The following BNIP5 variants were observed in gnomAD, a reference collection of about 807,000 sequenced individuals.
BNIP5 encodes BCL2 interacting protein 5.
BNIP5 carries 61 observed loss-of-function variants against 67.3 expected under a neutral mutation model. The ratio of observed to expected loss-of-function variants is 0.91; its 90% CI spans 0.74 to 1.12. The LOEUF (loss-of-function observed/expected upper bound fraction) is 1.12. Among genes scored for constraint, BNIP5 ranks in the 50% most tolerant of loss-of-function variants. The probability of loss-of-function intolerance (pLI) is 0.00; values close to 1 mark genes in which losing one functional copy is unlikely to be tolerated. For synonymous variants in BNIP5, 317 were observed against 319.0 expected (o/e 0.99, Z 0.07); for missense variants, 826 against 816.3 (o/e 1.01, Z -0.14).
chr6:36,334,198 G>A (rs922461689), intron 1 of BNIP5, among the ~76,000 whole-genome samples: 7 of 152,296 alleles, frequency 4.6e-5, no homozygotes, highest in African/African-American at 1.2e-4. Context: ...GGAAAGCTGC[G>A]GTGATTTGGC....
chr6:36,321,440 G>A (rs1771634864), intron 9 of BNIP5, among the ~76,000 whole-genome samples: 1 of 152,184 alleles, frequency 6.6e-6, no homozygotes, highest in Non-Finnish European at 1.5e-5. Flanking sequence ...AAATAGAAGG[G>A]ACTCTGGTTT....
At chr6:36,319,942 C>T (rs1771599952) in intron 10 of BNIP5, among the ~76,000 whole-genome samples, 1 of 152,186 alleles carries the variant, frequency 6.6e-6, no homozygotes. Context: ...GTATAACAGT[C>T]TAGAATTGGG....
intron 4 of BNIP5, 75 bp from the exon 5 acceptor site, chr6:36,326,828 A>C (rs1771774783): frequency 4.4e-6 from 7 of 1,593,870 alleles, no homozygotes; most frequent in Non-Finnish European, 6.0e-6. Context: ...GCAAGTGAAG[A>C]GCAGCCAAGC....
In BNIP5 at chr6:36,319,698, C is replaced by T. The variant is rs984795124; in HGVS notation, c.1669-88G>A. On this transcript the variant is annotated intron_variant, in intron 10 of 11. Coordinates refer to ENST00000437635, the MANE Select transcript of BNIP5 (RefSeq NM_001010903.5). The stretch of plus-strand genomic sequence containing the variant: ...CCTCCCACAACTCCATGCAGCCAGG[C>T]GGGGCACTCCTTGTCCCTGGGATGA... 10 of 1,477,176 alleles carry T rather than the reference C, an allele frequency of 6.8e-6. No individual in the cohort carries two copies. The East Asian group carries it at 6.8e-5, about 10-fold the overall frequency. The allele number at this position is 1,477,176 out of a possible 1,614,324, so 91.5% of individuals were successfully genotyped here.
rs533362920 is a variant in BNIP5, at chr6:36,325,039, T to G, written c.1168+244A>C. Among the ~76,000 whole-genome samples, 7 of 152,210 alleles carry G rather than the reference T, an allele frequency of 4.6e-5. No individual in the cohort carries two copies. In the East Asian group the frequency reaches 1.4e-3, roughly 29 times the overall value. ...CCCTTGGTGTGGGCCAGCACTTTCC[T>G]CCCTTTGCCTCCTGTCTGCCTCATC... is the stretch of plus-strand genomic sequence containing the variant. On this transcript the variant is annotated intron_variant, in intron 6 of 11. Coordinates refer to ENST00000437635, the MANE Select transcript of BNIP5 (RefSeq NM_001010903.5).
intron 1 of BNIP5, among the ~76,000 whole-genome samples, chr6:36,334,445 G>A (rs1771971897): frequency 6.6e-6 from 1 of 152,134 alleles, no homozygotes; most frequent in South Asian, 2.1e-4. Context: ...TTTGATACCA[G>A]CCCTACTTCC....
chr6:36,334,620 C>T (rs1448370013), intron 1 of BNIP5, among the ~76,000 whole-genome samples: 4 of 152,134 alleles, frequency 2.6e-5, no homozygotes, highest in Non-Finnish European at 4.4e-5. Flanking sequence ...CACACCCACA[C>T]GCCCCCAGGA....
Position 36,330,258 on chromosome 6 carries a change from T to C in BNIP5, c.433A>G (p.Arg145Gly), listed in dbSNP as rs769560572. ...TTCTTGTCGTGGTGGGCTTTCTTCC[T>C]GAGGGCTGGCTCCCCTGCTGCTTCC... ...PLEAAGEPAL[R>G]KKAHHDKKPS... The change falls in exon 2 of 12, where the codon AGG becomes GGG. Residue 145 changes from arginine (R) to glycine (G), a missense_variant. Transcript: ENST00000437635. The C allele has an allele frequency of 1.9e-6, 3 of 1,614,224 alleles. No homozygotes were observed. Among genetic ancestry groups the C allele is most frequent in the African/African-American group, 1.3e-5 (1 of 75,050 alleles).
intron 8 of BNIP5, 132 bp downstream of exon 8, chr6:36,323,161 A>G: frequency 7.6e-7 from 1 of 1,316,624 alleles, no homozygotes; most frequent in Admixed American, 2.1e-5. Context: ...CTCAGCATGG[A>G]AAGACACAGT....
rs879008775 is a variant in BNIP5 at position 36,319,340 on chromosome 6, C to A, written c.1923+16G>T. The A allele has an allele frequency of 6.2e-7, 1 of 1,612,240 alleles. No homozygotes were observed. The highest frequency in any genetic ancestry group is 1.7e-5 in the Admixed American group (1 of 59,988). ...ACTCATGCTACATTGCCATTGTCTTCCCCGCCCTCTCTCACCGGCTGGTCC... is the reference window on the plus strand; with the variant it reads ...ACTCATGCTACATTGCCATTGTCTTACCCGCCCTCTCTCACCGGCTGGTCC... On this transcript the variant is annotated intron_variant, in intron 11 of 11. Transcript: ENST00000437635.
intron 6 of BNIP5, among the ~76,000 whole-genome samples, chr6:36,324,700 G>A (rs1161332913): frequency 7.4e-6 from 1 of 135,746 alleles, no homozygotes; most frequent in Non-Finnish European, 1.6e-5. Context: ...AGCGATGGCA[G>A]CTGCCATTAG....
chr6:36,321,656 T>C (rs1355639403), intron 9 of BNIP5, among the ~76,000 whole-genome samples: 1 of 152,208 alleles, frequency 6.6e-6, no homozygotes, highest in East Asian at 1.9e-4. Context: ...TAAGCAGCGG[T>C]GTGCCAGGGC....
rs746408763 is a variant in BNIP5, at chr6:36,323,540, G to T, written c.1231-7C>A. 3.7e-6 allele frequency: 6 copies of T among 1,613,900 alleles called. No homozygotes were observed. Among genetic ancestry groups the T allele is most frequent in the South Asian group, 1.1e-5 (1 of 91,070 alleles). On this transcript the variant is annotated splice_region_variant and splice_polypyrimidine_tract_variant and intron_variant, in intron 7 of 11. Coordinates refer to ENST00000437635, the MANE Select transcript of BNIP5 (RefSeq NM_001010903.5). The stretch of plus-strand genomic sequence containing the variant: ...CCTGCTGGACTTGAGGTTGCTGTGG[G>T]GGAGATGAGAGAAACTGAGTCAGGG...
intron 1 of BNIP5, among the ~76,000 whole-genome samples, chr6:36,333,080 C>T (rs1007024321): frequency 6.6e-6 from 1 of 152,166 alleles, no homozygotes; most frequent in African/African-American, 2.4e-5. Context: ...GTGGGATCCA[C>T]AGGAAAGTGA....
rs1013543645 is a variant in BNIP5 at position 36,321,034 on chromosome 6, C to T, written c.1668+121G>A. The stretch of plus-strand genomic sequence containing the variant: ...TCTCTCATTTTGGAAAAGAGGAAAC[C>T]GAGACTCAGAGAGGTTAAGGGACAT... On this transcript the variant is annotated intron_variant, in intron 10 of 11. Coordinates refer to ENST00000437635, the MANE Select transcript of BNIP5 (RefSeq NM_001010903.5). The T allele has an allele frequency of 3.6e-4, 225 of 632,198 alleles. 1 individual carries two copies. The highest frequency in any genetic ancestry group is 1.1e-4 in the Non-Finnish European group (39 of 356,320). The allele number at this position is 632,198 out of a possible 1,614,324, so 39.2% of individuals were successfully genotyped here.
chr6:36,323,270 A>G, intron 8 of BNIP5, 23 bp downstream of exon 8: 1 of 1,613,574 alleles, frequency 6.2e-7, no homozygotes, highest in Non-Finnish European at 8.5e-7. Flanking sequence ...CTCTGTTACC[A>G]TGGCAACACC....
chr6:36,330,288 G>T lies in BNIP5; in HGVS notation c.403C>A (p.Pro135Thr). ...GKEGISQHPE[P>T]LEAAGEPALR... ...GCTGGCTCCCCTGCTGCTTCCAGGG[G>T]CTCCGGATGCTGGGAGATACCCTCC... is the stretch of plus-strand genomic sequence containing the variant. The change falls in exon 2 of 12, where the codon CCC becomes ACC. Residue 135 changes from proline to threonine, a missense_variant. Coordinates refer to ENST00000437635, the MANE Select transcript of BNIP5 (RefSeq NM_001010903.5). 5.6e-6 allele frequency: 9 copies of T among 1,614,194 alleles called. No individual in the cohort carries two copies. Among genetic ancestry groups the T allele is most frequent in the Non-Finnish European group, 7.6e-6 (9 of 1,180,032 alleles).
rs776018727 is a variant in BNIP5 at position 36,323,293 on chromosome 6, C to T, written c.1471G>A (p.Asp491Asn). Reference sequence around the variant, plus strand: ...CCATGGCAACACCAGGCCTGCTCACCAAGGCTGCTGGAGGTGGAGGGCCGA... The same window carrying T: ...CCATGGCAACACCAGGCCTGCTCACTAAGGCTGCTGGAGGTGGAGGGCCGA... ...GHRPSTSSSL[D>N]PEDLECREPL... The change falls in exon 8 of 12, where the codon GAT becomes AAT. Residue 491 changes from aspartate (D) to asparagine (N), a missense_variant and splice_region_variant. Physicochemically the swap from Asp to Asn is conservative, Grantham distance 23 (BLOSUM62 1). Coordinates refer to ENST00000437635, the MANE Select transcript of BNIP5 (RefSeq NM_001010903.5). The T allele has an allele frequency of 8.7e-6, 14 of 1,614,182 alleles. No individual in the cohort carries two copies. The South Asian group carries it at 1.5e-4, about 18-fold the overall frequency.
intron 2 of BNIP5, among the ~76,000 whole-genome samples, chr6:36,329,099 G>A (rs1034558310): frequency 2.6e-5 from 4 of 152,150 alleles, no homozygotes; most frequent in African/African-American, 4.8e-5. Flanking sequence ...TTACATGTGG[G>A]GAATCAAAAG....
Sources: allele counts gnomAD v4.1 joint callset (sites outside exome capture counted in the v4.1 genomes callset), GRCh38; gene constraint gnomAD v4.1.1; transcripts MANE v1.5; gene names NCBI Gene and HGNC (gene_info 2026-07-23, HGNC 2026-07-21).